USP37: variants seen among roughly 807,000 people sequenced by gnomAD.
USP37 encodes ubiquitin specific peptidase 37.
USP37 carries 27 observed loss-of-function variants against 124.0 expected under a neutral mutation model. That is an observed-to-expected ratio of 0.22 (90% CI 0.16 to 0.30). The LOEUF is 0.30. Ranked by LOEUF, USP37 falls within the 10% of genes least tolerant of loss-of-function variation. The pLI, the probability that USP37 is intolerant of heterozygous loss-of-function variation, is 1.00. For missense variants in USP37, 889 were observed against 1,140.4 expected (o/e 0.78, Z 3.17); for synonymous variants, 365 against 388.0 (o/e 0.94, Z 0.70).
In USP37 at chr2:218,455,582, G is replaced by A. The variant is rs780940500; in HGVS notation, c.2850C>T (p.His950=). The A allele has an allele frequency of 6.2e-6, 10 of 1,607,552 alleles. No homozygotes were observed. Among genetic ancestry groups the A allele is most frequent in the Non-Finnish European group, 8.5e-6 (10 of 1,178,070 alleles). Residue 950 remains histidine (H), a splice_region_variant and synonymous_variant, in exon 25 of 26, where the codon CAC becomes CAT. Coordinates refer to ENST00000258399, the MANE Select transcript of USP37 (RefSeq NM_020935.3). ...TAGAATCTGGCAAAGTTTCTTACTT[G>A]TGCATATAAAAGAAGATGTAGCCAC... ...DRSGYIFFYM[H]KEIFDELLET... is the part of the protein sequence containing the mutation.
chr2:218,541,592 G>C (rs1481246569), intron 8 of USP37, among the ~76,000 whole-genome samples: 1 of 152,128 alleles, frequency 6.6e-6, no homozygotes, highest in East Asian at 1.9e-4. Flanking sequence ...AGTGTTAATA[G>C]AGGATGCATG....
At chr2:218,523,263 CAA>C (rs35539483) in intron 10 of USP37, among the ~76,000 whole-genome samples, 3 of 129,582 alleles carry the variant, frequency 2.3e-5, no homozygotes. Context: ...GACTTCGTCT[CAA>C]AAAAAAAAAA....
intron 11 of USP37, among the ~76,000 whole-genome samples, chr2:218,505,053 C>T (rs1035072802): frequency 6.6e-6 from 1 of 152,132 alleles, no homozygotes; most frequent in African/African-American, 2.4e-5. Context: ...CTCATTTTGT[C>T]ACTCAAACTA....
chr2:218,560,092 T>C (rs1235476672), intron 3 of USP37, among the ~76,000 whole-genome samples: 1 of 152,144 alleles, frequency 6.6e-6, no homozygotes, highest in Non-Finnish European at 1.5e-5. Flanking sequence ...TAAATAAAAT[T>C]ACAGTTATAG....
intron 16 of USP37, among the ~76,000 whole-genome samples, chr2:218,485,146 G>A (rs1337247922): frequency 2.6e-5 from 4 of 151,996 alleles, no homozygotes; most frequent in Non-Finnish European, 5.9e-5. Flanking sequence ...CACAACACAG[G>A]GCAACAAAAT....
intron 6 of USP37, 23 bp downstream of exon 6, chr2:218,549,786 T>A: frequency 6.2e-7 from 1 of 1,604,114 alleles, no homozygotes. Flanking sequence ...TTTTAAATGC[T>A]AAAAAGATTC....
chr2:218,539,540 C>T (rs1356606165), intron 8 of USP37, among the ~76,000 whole-genome samples: 1 of 151,446 alleles, frequency 6.6e-6, no homozygotes, highest in African/African-American at 2.4e-5. Context: ...CGTGGTGAAA[C>T]CCCGTCTCTA....
intron 2 of USP37, among the ~76,000 whole-genome samples, 153 bp from the exon 3 acceptor site, chr2:218,561,036 T>A (rs975071225): frequency 1.3e-5 from 2 of 152,268 alleles, no homozygotes; most frequent in African/African-American, 4.8e-5. Flanking sequence ...CTGGGTAATA[T>A]GAATTCGTCA....
intron 23 of USP37, among the ~76,000 whole-genome samples, chr2:218,458,703 T>A (rs1689840623): frequency 6.6e-6 from 1 of 152,310 alleles, no homozygotes; most frequent in East Asian, 1.9e-4. Flanking sequence ...AAAAGTTAAA[T>A]AAGTAGGATA....
chr2:218,519,503 G>A (rs551922592), intron 10 of USP37, among the ~76,000 whole-genome samples: 5 of 152,262 alleles, frequency 3.3e-5, no homozygotes, highest in African/African-American at 1.2e-4. Context: ...CTAGACTCAT[G>A]AGTGTGTCAA....
rs1408601869 is a variant in USP37, at chr2:218,451,966, CAT to C, written c.*2962_*2963del. Reference sequence around the variant, plus strand: ...GACAAAACTCATGAGTGTGCACACACATGTGAATATATCCCTACGAAACAGTC... The same window carrying C: ...GACAAAACTCATGAGTGTGCACACACGTGAATATATCCCTACGAAACAGTC... On this transcript the variant is annotated 3_prime_UTR_variant, in exon 26 of 26. Coordinates refer to ENST00000258399, the MANE Select transcript of USP37 (RefSeq NM_020935.3). 1.3e-5 allele frequency: 2 copies of C among 152,604 alleles called. No homozygotes were observed. Among genetic ancestry groups the C allele is most frequent in the Non-Finnish European group, 2.9e-5 (2 of 68,038 alleles). 9.5% of individuals were successfully genotyped at this position (152,604 alleles called of 1,614,324 possible). A position where few individuals can be genotyped will look rare whatever the true frequency, so the allele number is the denominator to read the frequency against.
Position 218,508,609 on chromosome 2 carries a change from A to C in USP37, c.1025+1370T>G, listed in dbSNP as rs1403501478. On this transcript the variant is annotated intron_variant, in intron 11 of 25. Coordinates refer to ENST00000258399, the MANE Select transcript of USP37 (RefSeq NM_020935.3). ...ATGAAGAATGGTCACAAAATGGGAT[A>C]GATAAGACCAATATAAAATGTTGTC... 2.6e-5 allele frequency among the ~76,000 whole-genome samples: 4 copies of C among 152,344 alleles called. No individual in the cohort carries two copies. The East Asian group carries it at 7.7e-4, about 29-fold the overall frequency.
Position 218,496,110 on chromosome 2 carries a change from A to G in USP37, c.1282-160T>C, listed in dbSNP as rs531529238. 1.0e-3 allele frequency among the ~76,000 whole-genome samples: 159 copies of G among 152,244 alleles called. 1 individual carries two copies. Among genetic ancestry groups the G allele is most frequent in the African/African-American group, 3.6e-3 (148 of 41,542 alleles). ...GGAGTTCGAGACCAGCCCGGCCAAC[A>G]TGGTGAAATGCCATCTTTATTAAAA... On this transcript the variant is annotated intron_variant, in intron 13 of 25. Coordinates refer to ENST00000258399, the MANE Select transcript of USP37 (RefSeq NM_020935.3).
At chr2:218,473,588 T>C (rs183822110) in intron 20 of USP37, among the ~76,000 whole-genome samples, 77 of 152,278 alleles carry the variant, frequency 5.1e-4, no homozygotes, top group Admixed American at 2.1e-3. Flanking sequence ...TAGCAATATA[T>C]AGTTGTCTAG....
At chr2:218,535,408 G>A (rs1237812174) in intron 8 of USP37, among the ~76,000 whole-genome samples, 2 of 151,008 alleles carry the variant, frequency 1.3e-5, no homozygotes, top group Admixed American at 1.3e-4. Context: ...GCAGTTTATA[G>A]GTTTACAAAG....
At position 218,453,903 on chromosome 2, in the gene USP37, G is replaced by C. The variant is rs1689565230; in HGVS notation, c.*1027C>G. The C allele has an allele frequency of 6.6e-6, 1 of 152,114 alleles. No individual in the cohort carries two copies. Among genetic ancestry groups the C allele is most frequent in the East Asian group, 1.9e-4 (1 of 5,196 alleles). The allele number at this position is 152,114 out of a possible 1,614,324, so 9.4% of individuals were successfully genotyped here. ...TTAGCTTCAGTGGTCCAGAATTTTA[G>C]CTTTACCAGAAGAACACTCTTCTTA... On this transcript the variant is annotated 3_prime_UTR_variant, in exon 26 of 26. Coordinates refer to ENST00000258399, the MANE Select transcript of USP37 (RefSeq NM_020935.3).
intron 20 of USP37, among the ~76,000 whole-genome samples, chr2:218,468,707 T>C (rs1690506464): frequency 6.6e-6 from 1 of 152,144 alleles, no homozygotes; most frequent in Non-Finnish European, 1.5e-5. Context: ...CTTATTTTAT[T>C]TTTTGAGACC....
intron 8 of USP37, 50 bp downstream of exon 8, chr2:218,546,171 A>G (rs777726859): frequency 5.6e-6 from 8 of 1,429,330 alleles, no homozygotes; most frequent in Non-Finnish European, 6.8e-6. Context: ...TACAAATACC[A>G]ATATAAGAAA....
chr2:218,506,925 T>C (rs1689714024), intron 11 of USP37, among the ~76,000 whole-genome samples: 1 of 151,858 alleles, frequency 6.6e-6, no homozygotes, highest in Non-Finnish European at 1.5e-5. Context: ...GCCTCCCGAA[T>C]AGCTGGGATT....
Sources: gnomAD v4.1 joint callset for allele counts (sites outside exome capture counted in the v4.1 genomes callset) on GRCh38, gnomAD v4.1.1 for gene constraint, MANE v1.5 for transcripts, NCBI Gene and HGNC (gene_info 2026-07-23, HGNC 2026-07-21) for gene names.